LARGE1: variants seen among roughly 807,000 people sequenced by gnomAD.
LARGE1 encodes LARGE xylosyl- and glucuronyltransferase 1, also known as xylosyl- and glucuronyltransferase LARGE1.
In LARGE1, 43 loss-of-function variants were observed where a neutral mutation model predicts 87.6. The ratio of observed to expected loss-of-function variants is 0.49; its 90% CI spans 0.38 to 0.63. The LOEUF is 0.63. LARGE1 is among the 30% of genes least tolerant of loss of function. LARGE1 has a pLI of 0.00. For synonymous variants in LARGE1, 434 were observed against 394.6 expected (o/e 1.10, Z -1.18); for missense variants, 802 against 1,000.2 (o/e 0.80, Z 2.67).
rs1203762566 is a variant in LARGE1, at chr22:33,883,892, G to A, written c.-83+36103C>T. ...CTCCCTTCTGTATTTTCTTCTCTCC[G>A]AGTATTTACCACCACAGGAGACACA... On this transcript the variant is annotated intron_variant, in intron 1 of 14. Coordinates refer to ENST00000397394, the MANE Select transcript of LARGE1 (RefSeq NM_133642.5). Among the ~76,000 whole-genome samples the A allele has an allele frequency of 3.9e-5, 6 of 152,216 alleles. 1 individual carries two copies. Among genetic ancestry groups the A allele is most frequent in the East Asian group, 1.9e-4 (1 of 5,172 alleles).
At chr22:33,850,757 G>A (rs1487736288) in intron 1 of LARGE1, among the ~76,000 whole-genome samples, 1 of 152,088 alleles carries the variant, frequency 6.6e-6, no homozygotes, top group Admixed American at 6.5e-5. Flanking sequence ...AGGGCGGAGG[G>A]CATAAAGGTA....
chr22:33,827,988 A>G (rs921053898), intron 1 of LARGE1, among the ~76,000 whole-genome samples: 2 of 152,230 alleles, frequency 1.3e-5, no homozygotes, highest in African/African-American at 4.8e-5. Context: ...GGAGCAGAAG[A>G]ACTAGAATAA....
At chr22:33,706,807 A>T (rs1015723380) in intron 2 of LARGE1, among the ~76,000 whole-genome samples, 12 of 152,170 alleles carry the variant, frequency 7.9e-5, no homozygotes, top group African/African-American at 2.2e-4. Flanking sequence ...TACAATCTCA[A>T]ATTCTTCCTA....
intron 1 of LARGE1, among the ~76,000 whole-genome samples, chr22:33,887,695 C>T (rs1327876999): frequency 2.6e-5 from 4 of 151,884 alleles, no homozygotes; most frequent in African/African-American, 9.7e-5. Flanking sequence ...TGACATCGTG[C>T]CACTGCACTC....
chr22:33,518,349 C>A (rs1378213656), intron 6 of LARGE1, among the ~76,000 whole-genome samples: 1 of 152,248 alleles, frequency 6.6e-6, no homozygotes, highest in African/African-American at 2.4e-5. Flanking sequence ...GAGACACTCT[C>A]ACTCTGTCGC....
At chr22:33,852,396 G>A (rs983366760) in intron 1 of LARGE1, among the ~76,000 whole-genome samples, 2 of 151,966 alleles carry the variant, frequency 1.3e-5, no homozygotes, top group Non-Finnish European at 2.9e-5. Flanking sequence ...AAAGCCTCCT[G>A]AGCATCCCTT....
chr22:33,728,891 A>G (rs2083365508), intron 2 of LARGE1, among the ~76,000 whole-genome samples: 1 of 152,196 alleles, frequency 6.6e-6, no homozygotes, highest in African/African-American at 2.4e-5. Context: ...AGCTTTCTCT[A>G]CTTTGCCAAA....
chr22:33,408,907 T>C (rs117531661), intron 7 of LARGE1, among the ~76,000 whole-genome samples: 8,850 of 152,272 alleles, frequency 0.058, 390 homozygotes, highest in South Asian at 0.14. Flanking sequence ...CCTAGGTTTG[T>C]TGACAAGGGC....
At chr22:33,842,156 T>G (rs4821191) in intron 1 of LARGE1, among the ~76,000 whole-genome samples, 129,800 of 152,164 alleles carry the variant, frequency 0.85, 55,493 homozygotes, top group African/African-American at 0.91. Context: ...AAAAGTAAAA[T>G]CGAAAAGCTT....
chr22:33,827,071 G>A (rs1173930856), intron 1 of LARGE1, among the ~76,000 whole-genome samples: 5 of 152,048 alleles, frequency 3.3e-5, no homozygotes, highest in Non-Finnish European at 7.4e-5. Flanking sequence ...ACATTTAAAA[G>A]AGCTCACTGG....
intron 11 of LARGE1, among the ~76,000 whole-genome samples, chr22:33,315,092 C>A (rs1936007286): frequency 6.6e-6 from 1 of 152,084 alleles, no homozygotes; most frequent in Non-Finnish European, 1.5e-5. Context: ...GCCTGCAGTC[C>A]CAGCTACTCG....
chr22:33,505,704 C>A (rs1209926139), intron 6 of LARGE1, among the ~76,000 whole-genome samples: 1 of 152,168 alleles, frequency 6.6e-6, no homozygotes, highest in African/African-American at 2.4e-5. Context: ...GGAGTCTGTG[C>A]ACAGGCTACC....
chr22:33,124,550 T>TGTCTCTCTAACTGCTTGCTGTCTCTTGCC, the LARGE1 span, among the ~76,000 whole-genome samples: 1 of 152,176 alleles, frequency 6.6e-6, no homozygotes, highest in African/African-American at 2.4e-5. Context: ...TGCCTCTTGC[T>TGTCTCTCTAACTGCTTGCTGTCTCTTGCC]GTCTCTCTCA....
downstream of LARGE1, among the ~76,000 whole-genome samples, chr22:33,271,403 T>A (rs1928236467): frequency 6.6e-6 from 1 of 152,334 alleles, no homozygotes; most frequent in Non-Finnish European, 1.5e-5. Context: ...AATGTTAATA[T>A]CCACTTTGCA....
rs531569599 is a variant in LARGE1, at chr22:33,760,913, C to T, written c.106+458G>A. Among the ~76,000 whole-genome samples the T allele has an allele frequency of 2.0e-5, 3 of 151,934 alleles. 1 individual carries two copies. Among genetic ancestry groups the T allele is most frequent in the South Asian group, 2.1e-4 (1 of 4,810 alleles). ...CCAGCCTGGTAACAGAGCGAGACTC[C>T]GTCTCAAAAAAACCAAACCAAAACA... On this transcript the variant is annotated intron_variant, in intron 2 of 14. Transcript: ENST00000397394.
At position 33,316,198 on chromosome 22, in the gene LARGE1, G is replaced by C; in HGVS notation, c.1338C>G (p.Phe446Leu). The C allele has an allele frequency of 1.9e-6, 3 of 1,614,038 alleles. No homozygotes were observed. Among genetic ancestry groups the C allele is most frequent in the Non-Finnish European group, 2.5e-6 (3 of 1,179,980 alleles). ...ELDEDDLCYE[F>L]RRERFTVHRT... is the part of the protein sequence containing the mutation. ...GGTGGACAGTGAAGCGCTCTCGCCG[G>C]AACTCATAGCACAGGTCGTCCTCGT... Residue 446 changes from phenylalanine to leucine, a missense_variant, in exon 11 of 15, where the codon TTC (phenylalanine) becomes TTG (leucine). Around this residue, in one of 2 missense-constraint regions of LARGE1, gnomAD observed 625 missense variants for 841.9 expected, o/e 0.74. Coordinates refer to ENST00000397394, the MANE Select transcript of LARGE1 (RefSeq NM_133642.5).
At chr22:33,323,037 G>A (rs1257493641) in intron 10 of LARGE1, among the ~76,000 whole-genome samples, 4 of 152,104 alleles carry the variant, frequency 2.6e-5, no homozygotes, top group South Asian at 2.1e-4. Context: ...CAGGAGAATC[G>A]TTTGAACCTG....
At chr22:33,876,127 A>T (rs1003191661) in intron 1 of LARGE1, among the ~76,000 whole-genome samples, 7 of 152,198 alleles carry the variant, frequency 4.6e-5, no homozygotes, top group Non-Finnish European at 8.8e-5. Context: ...TTCTCTCACC[A>T]TGAGACCCAG....
intron 1 of LARGE1, among the ~76,000 whole-genome samples, chr22:33,910,960 G>C (rs1344269603): frequency 1.3e-5 from 2 of 152,232 alleles, no homozygotes; most frequent in East Asian, 3.8e-4. Flanking sequence ...ACAGCTGCGA[G>C]TTGAGTCCTG....
Sources: gnomAD v4.1 joint callset for allele counts (sites outside exome capture counted in the v4.1 genomes callset) on GRCh38, gnomAD v4.1.1 for gene constraint, gnomAD v4.1.1 regional missense constraint, MANE v1.5 for transcripts, NCBI Gene and HGNC (gene_info 2026-07-23, HGNC 2026-07-21) for gene names.